Variants in GALNT13 observed in about 807,000 individuals in gnomAD.
The protein encoded by GALNT13 is UDP-GalNAc:polypeptide N-acetylgalactosaminyltransferase 13.
In GALNT13, 28 loss-of-function variants were observed where a neutral mutation model predicts 64.2. The observed-to-expected ratio is 0.44, with a 90% CI of 0.32 to 0.60. The LOEUF is 0.60. Ranked by LOEUF, GALNT13 falls within the 20% of genes least tolerant of loss-of-function variation. GALNT13 has a pLI of 0.05. For synonymous variants in GALNT13, 214 were observed against 224.6 expected (o/e 0.95, Z 0.42); for missense variants, 577 against 669.8 (o/e 0.86, Z 1.53).
At chr2:153,174,453 A>G in the GALNT13 span, among the ~76,000 whole-genome samples, 2 of 149,246 alleles carry the variant, frequency 1.3e-5, no homozygotes, top group East Asian at 1.9e-4. Flanking sequence ...TGATACCGCC[A>G]AAGCACATTT....
the GALNT13 span, among the ~76,000 whole-genome samples, chr2:153,137,956 T>G: frequency 6.6e-6 from 1 of 152,054 alleles, no homozygotes. Flanking sequence ...GCGTACTTCA[T>G]GTACTCCTTA....
chr2:154,069,590 T>C (rs969941168), intron 3 of GALNT13, among the ~76,000 whole-genome samples: 1 of 152,004 alleles, frequency 6.6e-6, no homozygotes, highest in African/African-American at 2.4e-5. Flanking sequence ...ATAATTTTAA[T>C]ATTTATATGA....
At chr2:154,353,107 C>A (rs2105261068) in intron 9 of GALNT13, among the ~76,000 whole-genome samples, 1 of 152,232 alleles carries the variant, frequency 6.6e-6, no homozygotes, top group African/African-American at 2.4e-5. Context: ...TATTGTTGTG[C>A]AGCTTTTGTC....
the GALNT13 span, among the ~76,000 whole-genome samples, chr2:153,560,128 G>T: frequency 2.6e-5 from 4 of 151,908 alleles, no homozygotes; most frequent in Non-Finnish European, 5.9e-5. Context: ...CCTGGTATCA[G>T]TCATGTCTCC....
the GALNT13 span, among the ~76,000 whole-genome samples, chr2:153,432,915 T>C: frequency 6.6e-6 from 1 of 152,198 alleles, no homozygotes; most frequent in Admixed American, 6.6e-5. Context: ...CTACTTGATT[T>C]AATGACCTAC....
the GALNT13 span, among the ~76,000 whole-genome samples, chr2:153,349,786 T>G: frequency 6.6e-6 from 1 of 152,184 alleles, no homozygotes; most frequent in African/African-American, 2.4e-5. Context: ...TTTCTCTTTT[T>G]GCCAGCTTCC....
chr2:153,707,538 A>G, the GALNT13 span, among the ~76,000 whole-genome samples: 1 of 152,222 alleles, frequency 6.6e-6, no homozygotes, highest in Admixed American at 6.5e-5. Flanking sequence ...CAGATGCAAT[A>G]GCACAGTAGT....
the GALNT13 span, among the ~76,000 whole-genome samples, chr2:153,432,680 T>C: frequency 6.6e-6 from 1 of 151,920 alleles, no homozygotes; most frequent in Non-Finnish European, 1.5e-5. Context: ...CTGGACTGTT[T>C]TTCTGACAGA....
the GALNT13 span, among the ~76,000 whole-genome samples, chr2:153,277,913 G>GTTTTTTT: frequency 5.6e-5 from 3 of 53,464 alleles, no homozygotes; most frequent in Non-Finnish European, 1.3e-4. Flanking sequence ...TTTTTCTTTT[G>GTTTTTTT]TTTTCTTTTC....
chr2:154,024,711 T>C (rs1697815535), intron 3 of GALNT13, among the ~76,000 whole-genome samples: 1 of 152,230 alleles, frequency 6.6e-6, no homozygotes, highest in Non-Finnish European at 1.5e-5. Flanking sequence ...TCATTCTCCA[T>C]CCAGCTTTGT....
the GALNT13 span, among the ~76,000 whole-genome samples, chr2:153,400,055 G>T: frequency 9.9e-4 from 151 of 152,044 alleles, no homozygotes; most frequent in African/African-American, 3.6e-3. Context: ...GATACTGGCT[G>T]TGGGTTTGTC....
chr2:154,366,426 T>C (rs1483140271), intron 9 of GALNT13, among the ~76,000 whole-genome samples: 1 of 152,154 alleles, frequency 6.6e-6, no homozygotes, highest in Admixed American at 6.6e-5. Context: ...CTTGCATATG[T>C]AGCACAGCCT....
the GALNT13 span, among the ~76,000 whole-genome samples, chr2:153,413,020 A>G: frequency 2.0e-5 from 3 of 152,198 alleles, no homozygotes; most frequent in Non-Finnish European, 4.4e-5. Flanking sequence ...GGTATTATAC[A>G]CAAACCTAGG....
intron 8 of GALNT13, among the ~76,000 whole-genome samples, chr2:154,259,371 G>A (rs113491098): frequency 0.021 from 3,174 of 152,198 alleles, 81 homozygotes; most frequent in African/African-American, 0.064. Context: ...TTTATTCACA[G>A]TAAAAATACA....
At chr2:153,816,789 AT>A in the GALNT13 span, among the ~76,000 whole-genome samples, 1 of 152,194 alleles carries the variant, frequency 6.6e-6, no homozygotes, top group African/African-American at 2.4e-5. Flanking sequence ...GACCTGGCAA[AT>A]TCCAAAATTC....
the GALNT13 span, among the ~76,000 whole-genome samples, chr2:153,175,297 A>G: frequency 1.3e-5 from 2 of 152,102 alleles, no homozygotes; most frequent in Non-Finnish European, 2.9e-5. Context: ...CAAATATTCT[A>G]CTTCTGTCTG....
chr2:153,787,594 G>T, the GALNT13 span, among the ~76,000 whole-genome samples: 1 of 152,162 alleles, frequency 6.6e-6, no homozygotes, highest in Non-Finnish European at 1.5e-5. Context: ...TAACTAGGGT[G>T]AGTTTGCTGA....
At chr2:153,103,112 G>C in the GALNT13 span, among the ~76,000 whole-genome samples, 7 of 152,030 alleles carry the variant, frequency 4.6e-5, no homozygotes, top group Non-Finnish European at 8.8e-5. Context: ...GCCTAAATCA[G>C]ATCATGTTAA....
chr2:153,083,273 G>A, the GALNT13 span, among the ~76,000 whole-genome samples: 9 of 152,114 alleles, frequency 5.9e-5, no homozygotes, highest in Admixed American at 2.0e-4. Flanking sequence ...AGTTCTTTAA[G>A]GAATTTCTTT....
Sources: allele counts gnomAD v4.1 joint callset (sites outside exome capture counted in the v4.1 genomes callset), GRCh38; gene constraint gnomAD v4.1.1; transcripts MANE v1.5; gene names NCBI Gene and HGNC (gene_info 2026-07-23, HGNC 2026-07-21).